Variants in TRIM33 observed in about 807,000 individuals in gnomAD.
TRIM33 encodes the protein tripartite motif containing 33, also known as E3 ubiquitin-protein ligase TRIM33.
Under a neutral mutation model 125.4 loss-of-function variants are expected in TRIM33, and 20 were observed. The ratio of observed to expected loss-of-function variants is 0.16; its 90% CI spans 0.11 to 0.23. The LOEUF (loss-of-function observed/expected upper bound fraction) is 0.23. Ranked by LOEUF, TRIM33 falls within the 10% of genes least tolerant of loss-of-function variation. TRIM33 has a pLI of 1.00. For missense variants in TRIM33, 920 were observed against 1,411.4 expected, an observed-to-expected ratio of 0.65 and a Z score of 5.58; for synonymous variants, 564 against 513.9, an observed-to-expected ratio of 1.10 and a Z score of -1.32.
chr1:114,416,005 C>T (rs888868751), intron 11 of TRIM33, among the ~76,000 whole-genome samples: 4 of 151,292 alleles, frequency 2.6e-5, no homozygotes, highest in Admixed American at 2.6e-4. Context: ...AAACTGTCTC[C>T]CTATTATATA....
At chr1:114,447,398 A>C (rs768451426) in intron 4 of TRIM33, among the ~76,000 whole-genome samples, 13 of 152,156 alleles carry the variant, frequency 8.5e-5, no homozygotes, top group African/African-American at 3.1e-4. Flanking sequence ...CAACTGAAAA[A>C]AAAAATGCAA....
rs1476194291 is a variant in TRIM33 at position 114,510,996 on chromosome 1, G to A, written c.81C>T (p.Ala27=). 7.5e-7 allele frequency: 1 copy of A among 1,329,268 alleles called. No homozygotes were observed. Among genetic ancestry groups the A allele is most frequent in the South Asian group, 1.9e-5 (1 of 52,408 alleles). 82.3% of individuals were successfully genotyped at this position (1,329,268 alleles called of 1,614,324 possible). A position where few individuals can be genotyped will look rare whatever the true frequency, so the allele number is the denominator to read the frequency against. Reference sequence around the variant, plus strand: ...GCTCCGCCTCCTGCGCGGCGGGCCCGGCGGCCCCGGCAGTTACCGGCGCGC... The same window carrying A: ...GCTCCGCCTCCTGCGCGGCGGGCCCAGCGGCCCCGGCAGTTACCGGCGCGC... ...SGSAPVTAGA[A]GPAAQEAEPP... The change falls in exon 1 of 20, where the codon GCC becomes GCT. Residue 27 remains alanine (A), a synonymous_variant. Transcript: ENST00000358465.
At chr1:114,500,318 CGTT>C (rs1376718053) in intron 1 of TRIM33, among the ~76,000 whole-genome samples, 2 of 152,012 alleles carry the variant, frequency 1.3e-5, no homozygotes, top group African/African-American at 2.4e-5. Context: ...TTTTTGTTGT[CGTT>C]GTTTTTCTGT....
chr1:114,466,674 C>A (rs563838254), intron 1 of TRIM33, among the ~76,000 whole-genome samples: 2 of 152,274 alleles, frequency 1.3e-5, no homozygotes, highest in Admixed American at 6.5e-5. Context: ...GTGTATTGTC[C>A]CACATTGTTG....
chr1:114,467,763 T>C (rs908028438), intron 1 of TRIM33, among the ~76,000 whole-genome samples: 4 of 152,218 alleles, frequency 2.6e-5, no homozygotes, highest in African/African-American at 7.2e-5. Context: ...AATTACATAA[T>C]GCGCTTAAAG....
chr1:114,488,923 C>T (rs527300692), intron 1 of TRIM33, among the ~76,000 whole-genome samples: 19 of 152,242 alleles, frequency 1.2e-4, no homozygotes, highest in South Asian at 4.1e-4. Context: ...GTGTGAGACA[C>T]GCATCTGTAG....
chr1:114,493,800 C>T (rs1176435197), intron 1 of TRIM33, among the ~76,000 whole-genome samples: 2 of 152,090 alleles, frequency 1.3e-5, no homozygotes, highest in African/African-American at 4.8e-5. Context: ...CTCCCAAGTA[C>T]CTACCAGGGA....
At chr1:114,508,938 T>C (rs963882747) in intron 1 of TRIM33, among the ~76,000 whole-genome samples, 1 of 152,228 alleles carries the variant, frequency 6.6e-6, no homozygotes, top group African/African-American at 2.4e-5. Context: ...AAGTCGTAAG[T>C]AGGAGATGGC....
chr1:114,463,650 G>A (rs1239183635), intron 2 of TRIM33, 94 bp from the exon 3 acceptor site: 4 of 733,824 alleles, frequency 5.5e-6, no homozygotes, highest in Non-Finnish European at 9.0e-6. Context: ...CTATTTCACT[G>A]TACACAGAAT....
chr1:114,495,441 G>A (rs1413921496), intron 1 of TRIM33, among the ~76,000 whole-genome samples: 3 of 152,124 alleles, frequency 2.0e-5, no homozygotes, highest in South Asian at 2.1e-4. Flanking sequence ...TTTTAATTGG[G>A]CAAAACTTCA....
chr1:114,475,079 G>T (rs1402758221), intron 1 of TRIM33, among the ~76,000 whole-genome samples: 1 of 151,976 alleles, frequency 6.6e-6, no homozygotes, highest in Non-Finnish European at 1.5e-5. Flanking sequence ...AGAAAAATCT[G>T]GCAAAACTGA....
chr1:114,508,325 T>C (rs1241951643), intron 1 of TRIM33, among the ~76,000 whole-genome samples: 1 of 152,186 alleles, frequency 6.6e-6, no homozygotes. Flanking sequence ...GCCAATTTCA[T>C]AACCTCAGTC....
At chr1:114,434,205 T>C (rs1648139189) in intron 4 of TRIM33, among the ~76,000 whole-genome samples, 1 of 152,200 alleles carries the variant, frequency 6.6e-6, no homozygotes, top group Non-Finnish European at 1.5e-5. Context: ...AGACAAGGTC[T>C]ATGTTACCCA....
At chr1:114,453,333 C>CTGT (rs1649432293) in intron 4 of TRIM33, among the ~76,000 whole-genome samples, 1 of 150,546 alleles carries the variant, frequency 6.6e-6, no homozygotes, top group Non-Finnish European at 1.5e-5. Context: ...CACTGCACTC[C>CTGT]AGCCTGGGCA....
Position 114,438,998 on chromosome 1 carries a change from A to G in TRIM33, c.924-5265T>C, listed in dbSNP as rs188231473. Among the ~76,000 whole-genome samples, 6 of 152,328 alleles carry G rather than the reference A, an allele frequency of 3.9e-5. No homozygotes were observed. In the South Asian group the frequency reaches 8.3e-4, roughly 21 times the overall value. On this transcript the variant is annotated intron_variant, in intron 4 of 19. Transcript: ENST00000358465. ...AAAATCTGAAAGGGTAGAAATTTCTATAAAGTATGAGAAAGACATTAAAAT... is the reference window on the plus strand; with the variant it reads ...AAAATCTGAAAGGGTAGAAATTTCTGTAAAGTATGAGAAAGACATTAAAAT...
At chr1:114,408,970 C>T (rs1414421359) in intron 12 of TRIM33, among the ~76,000 whole-genome samples, 5 of 152,134 alleles carry the variant, frequency 3.3e-5, no homozygotes, top group African/African-American at 1.2e-4. Flanking sequence ...ACTATCCAGT[C>T]AACAAAACAG....
At chr1:114,463,642 A>G in intron 2 of TRIM33, 86 bp from the exon 3 acceptor site, 1 of 797,064 alleles carries the variant, frequency 1.3e-6, no homozygotes, top group Non-Finnish European at 2.1e-6. Context: ...TCAATATACT[A>G]TTTCACTGTA....
intron 1 of TRIM33, among the ~76,000 whole-genome samples, chr1:114,476,049 T>C (rs548309863): frequency 3.3e-5 from 5 of 152,070 alleles, no homozygotes; most frequent in African/African-American, 1.2e-4. Flanking sequence ...CATGAAAACA[T>C]AGAAGTACAG....
intron 1 of TRIM33, among the ~76,000 whole-genome samples, chr1:114,498,915 T>C (rs991356445): frequency 3.3e-5 from 5 of 151,002 alleles, no homozygotes; most frequent in African/African-American, 9.7e-5. Flanking sequence ...TAGAAACTTT[T>C]AGAAAAAAAA....
Sources: allele counts gnomAD v4.1 joint callset (sites outside exome capture counted in the v4.1 genomes callset), GRCh38; gene constraint gnomAD v4.1.1; transcripts MANE v1.5; gene names NCBI Gene and HGNC (gene_info 2026-07-23, HGNC 2026-07-21).